Variants in KCND2 observed in about 807,000 individuals in gnomAD.
The protein encoded by KCND2 is A-type voltage-gated potassium channel KCND2.
Under a neutral mutation model 54.4 loss-of-function variants are expected in KCND2, and 16 were observed. The observed-to-expected ratio is 0.29, with a 90% CI of 0.20 to 0.45. The LOEUF (loss-of-function observed/expected upper bound fraction) is 0.45. KCND2 is among the 20% of genes least tolerant of loss of function. KCND2 has a pLI of 1.00. For missense variants in KCND2, 486 were observed against 824.2 expected, an observed-to-expected ratio of 0.59 and a Z score of 5.02; for synonymous variants, 317 against 310.7, an observed-to-expected ratio of 1.02 and a Z score of -0.21.
chr7:120,469,922 A>T (rs1345116739), intron 1 of KCND2, among the ~76,000 whole-genome samples: 1 of 152,304 alleles, frequency 6.6e-6, no homozygotes, highest in Non-Finnish European at 1.5e-5. Context: ...AGCATAAAAA[A>T]GTCACACTTA....
In KCND2 at chr7:120,697,750, G is replaced by A. The variant is rs1307635096; in HGVS notation, c.1116-35153G>A. ...GCTATGACATAGAGTTAAAGTGGAA[G>A]CACCACGCCACTGAACAATAAAATA... On this transcript the variant is annotated intron_variant, in intron 1 of 5. Transcript: ENST00000331113. Among the ~76,000 whole-genome samples, 3 of 152,176 alleles carry A rather than the reference G, an allele frequency of 2.0e-5. No individual in the cohort carries two copies. In the East Asian group the frequency reaches 5.8e-4, roughly 29 times the overall value.
intron 1 of KCND2, among the ~76,000 whole-genome samples, chr7:120,454,719 A>G (rs1443714309): frequency 1.3e-5 from 2 of 150,448 alleles, no homozygotes; most frequent in Admixed American, 1.3e-4. Flanking sequence ...AGGCATCCAA[A>G]TAGTAAGAGA....
At chr7:120,509,509 G>A (rs192206042) in intron 1 of KCND2, among the ~76,000 whole-genome samples, 1 of 152,126 alleles carries the variant, frequency 6.6e-6, no homozygotes, top group African/African-American at 2.4e-5. Context: ...CTTATCCGGG[G>A]TTGAATTGCC....
intron 1 of KCND2, among the ~76,000 whole-genome samples, chr7:120,322,391 A>G (rs1799903777): frequency 1.3e-5 from 2 of 152,092 alleles, no homozygotes; most frequent in Admixed American, 1.3e-4. Context: ...ATCCTCAGTG[A>G]CAGGATAAAA....
chr7:120,525,353 C>CTT (rs1485160045), intron 1 of KCND2, among the ~76,000 whole-genome samples: 2 of 152,320 alleles, frequency 1.3e-5, no homozygotes, highest in East Asian at 3.9e-4. Context: ...AACTTACCCG[C>CTT]TTTGAACCTC....
At chr7:120,286,954 A>G (rs1283910594) in intron 1 of KCND2, among the ~76,000 whole-genome samples, 2 of 152,074 alleles carry the variant, frequency 1.3e-5, no homozygotes, top group Admixed American at 1.3e-4. Context: ...CTGAGCATAA[A>G]ATCAACTTTG....
At chr7:120,508,645 C>T (rs1803064358) in intron 1 of KCND2, among the ~76,000 whole-genome samples, 1 of 151,900 alleles carries the variant, frequency 6.6e-6, no homozygotes, top group African/African-American at 2.4e-5. Flanking sequence ...GAAAAAAGTG[C>T]AAATACCTCA....
At chr7:120,322,557 T>A (rs1405628920) in intron 1 of KCND2, among the ~76,000 whole-genome samples, 1 of 152,204 alleles carries the variant, frequency 6.6e-6, no homozygotes, top group Non-Finnish European at 1.5e-5. Context: ...ATGGTTGTGA[T>A]TCTACAATTT....
At chr7:120,494,841 AT>A (rs56740071) in intron 1 of KCND2, among the ~76,000 whole-genome samples, 22,441 of 152,230 alleles carry the variant, frequency 0.15, 2,267 homozygotes, top group Non-Finnish European at 0.22. Flanking sequence ...TAGTCAAAAT[AT>A]ATGTAAATCA....
intron 1 of KCND2, among the ~76,000 whole-genome samples, chr7:120,291,267 A>G: frequency 6.6e-6 from 1 of 152,024 alleles, no homozygotes; most frequent in East Asian, 1.9e-4. Context: ...GATGGAACAG[A>G]TTGTCTTAGA....
At chr7:120,700,450 A>G (rs1792386304) in intron 1 of KCND2, among the ~76,000 whole-genome samples, 3 of 152,174 alleles carry the variant, frequency 2.0e-5, no homozygotes, top group South Asian at 2.1e-4. Context: ...CCACATTTCT[A>G]TTTGTGGACG....
At chr7:120,700,760 GTATT>G (rs1312431784) in intron 1 of KCND2, among the ~76,000 whole-genome samples, 2 of 152,170 alleles carry the variant, frequency 1.3e-5, no homozygotes, top group Non-Finnish European at 2.9e-5. Context: ...TGTTCAGTAA[GTATT>G]TATTGAACAT....
At chr7:120,706,754 G>T (rs1162810543) in intron 1 of KCND2, among the ~76,000 whole-genome samples, 1 of 152,060 alleles carries the variant, frequency 6.6e-6, no homozygotes, top group African/African-American at 2.4e-5. Context: ...TGTCACAAAA[G>T]CCAGAAAATA....
At chr7:120,496,414 T>TA (rs1258197091) in intron 1 of KCND2, among the ~76,000 whole-genome samples, 1 of 151,366 alleles carries the variant, frequency 6.6e-6, no homozygotes, top group Non-Finnish European at 1.5e-5. Context: ...TATATATATA[T>TA]AAAAATATAT....
At chr7:120,339,503 CTGTGTGTGTGTG>C (rs10525061) in intron 1 of KCND2, among the ~76,000 whole-genome samples, 14 of 149,810 alleles carry the variant, frequency 9.3e-5, no homozygotes, top group South Asian at 2.1e-4. Context: ...CTTTAGAAGG[CTGTGTGTGTGTG>C]TGTGTGTGTG....
rs780298667 is a variant in KCND2 at position 120,741,646 on chromosome 7, CT to C, written c.1374+18del. 5.2e-6 allele frequency: 8 copies of C among 1,540,090 alleles called. No homozygotes were observed. The East Asian group carries it at 1.8e-4, about 35-fold the overall frequency. On this transcript the variant is annotated intron_variant, in intron 3 of 5. Transcript: ENST00000331113. ...CAGCTGCAGGTACAATCAATTACAT[CT>C]CTTTTTTTAATGTTCAATTTCTTGG...
chr7:120,290,721 A>T (rs1229446947), intron 1 of KCND2, among the ~76,000 whole-genome samples: 1 of 152,024 alleles, frequency 6.6e-6, no homozygotes, highest in Non-Finnish European at 1.5e-5. Flanking sequence ...TAAGAGCTAC[A>T]CATATATGGA....
At chr7:120,508,101 A>G (rs1399552012) in intron 1 of KCND2, among the ~76,000 whole-genome samples, 2 of 151,804 alleles carry the variant, frequency 1.3e-5, no homozygotes, top group Non-Finnish European at 2.9e-5. Flanking sequence ...CATTTACAAG[A>G]TTTTAATTAG....
chr7:120,729,891 C>T (rs1046223217), intron 1 of KCND2, among the ~76,000 whole-genome samples: 2 of 152,144 alleles, frequency 1.3e-5, no homozygotes, highest in Admixed American at 6.5e-5. Flanking sequence ...ACCTCTTTTA[C>T]CTTATGAATC....
Sources: gnomAD v4.1 joint callset for allele counts (sites outside exome capture counted in the v4.1 genomes callset) on GRCh38, gnomAD v4.1.1 for gene constraint, MANE v1.5 for transcripts, NCBI Gene and HGNC (gene_info 2026-07-23, HGNC 2026-07-21) for gene names.